ZNF638: variants seen among roughly 807,000 people sequenced by gnomAD.
ZNF638 encodes zinc finger protein 638.
ZNF638 carries 46 observed loss-of-function variants against 195.6 expected under a neutral mutation model. The ratio of observed to expected loss-of-function variants is 0.24; its 90% confidence interval spans 0.19 to 0.30. ZNF638 has a LOEUF of 0.30. Ranked by LOEUF, ZNF638 falls within the 10% of genes least tolerant of loss-of-function variation. ZNF638 has a pLI of 1.00. For synonymous variants in ZNF638, 845 were observed against 772.0 expected (o/e 1.09, Z -1.57); for missense variants, 2,440 against 2,325.3 (o/e 1.05, Z -1.01).
rs766674576 is a variant in ZNF638, at chr2:71,350,151, T to C, written c.1197T>C (p.Ala399=). Residue 399 remains alanine, a synonymous_variant, in exon 2 of 28, where the codon GCT becomes GCC. Coordinates refer to ENST00000264447, the MANE Select transcript of ZNF638 (RefSeq NM_014497.5). The part of the protein sequence containing the change: ...KASWLPKFSH[A]DAQKMKRLPT... ...CCTGGCTACCAAAGTTTTCACATGC[T>C]GATGCCCAGAAGATGAAGAGACTTC... 3.1e-6 allele frequency: 5 copies of C among 1,613,738 alleles called. No homozygotes were observed. The African/African-American group carries it at 4.0e-5, about 13-fold the overall frequency.
rs767004234 is a variant in ZNF638 at position 71,434,832 on chromosome 2, A to G, written c.*25A>G. Reference sequence around the variant, plus strand: ...ATTGGGGGAAAGGAAAGAATTCACTAGAAATTTGTTTAGGGTCCAGTTGAT... The same window carrying G: ...ATTGGGGGAAAGGAAAGAATTCACTGGAAATTTGTTTAGGGTCCAGTTGAT... On this transcript the variant is annotated 3_prime_UTR_variant, in exon 28 of 28. Coordinates refer to ENST00000264447, the MANE Select transcript of ZNF638 (RefSeq NM_014497.5). The G allele has an allele frequency of 3.2e-6, 5 of 1,572,266 alleles. No individual in the cohort carries two copies. The highest frequency in any genetic ancestry group is 2.8e-5 in the African/African-American group (2 of 72,430).
chr2:71,389,377 G>A (rs1013037762), intron 10 of ZNF638, among the ~76,000 whole-genome samples: 2 of 152,172 alleles, frequency 1.3e-5, no homozygotes, highest in East Asian at 1.9e-4. Flanking sequence ...CAGAGCAAAC[G>A]GAGCTGCTAG....
In ZNF638 at chr2:71,331,837, G is replaced by C. The variant is rs1048799684; in HGVS notation, c.-241G>C. 1.1e-5 allele frequency: 11 copies of C among 986,128 alleles called. No individual in the cohort carries two copies. The Admixed American group carries it at 4.9e-4, about 44-fold the overall frequency. The allele number at this position is 986,128 out of a possible 1,614,324, so 61.1% of individuals were successfully genotyped here. On this transcript the variant is annotated 5_prime_UTR_variant, in exon 1 of 28. Transcript: ENST00000264447. ...GGAGGCTGAGTGCTAAACTGTGTGG[G>C]GCGCGGATGGGATCCAGCTGTTAGT...
chr2:71,377,599 G>C (rs1173010505), intron 8 of ZNF638, among the ~76,000 whole-genome samples: 1 of 152,202 alleles, frequency 6.6e-6, no homozygotes, highest in South Asian at 2.1e-4. Context: ...TTAAGCATCT[G>C]TTATGCCTCT....
At chr2:71,336,254 C>T (rs565421471) in intron 1 of ZNF638, among the ~76,000 whole-genome samples, 1 of 151,860 alleles carries the variant, frequency 6.6e-6, no homozygotes, top group South Asian at 2.1e-4. Context: ...TCTGTAATCC[C>T]AGCTACTCGG....
chr2:71,386,473 C>T (rs1394441849), intron 10 of ZNF638, among the ~76,000 whole-genome samples: 1 of 152,092 alleles, frequency 6.6e-6, no homozygotes, highest in Non-Finnish European at 1.5e-5. Context: ...GAATATGCAT[C>T]AACACCTCTT....
At chr2:71,374,260 C>T (rs1035647652) in intron 8 of ZNF638, among the ~76,000 whole-genome samples, 7 of 152,216 alleles carry the variant, frequency 4.6e-5, no homozygotes, top group South Asian at 2.1e-4. Context: ...CAGTTAGCCT[C>T]AACACTATTT....
chr2:71,335,129 T>C (rs1482760256), intron 1 of ZNF638, among the ~76,000 whole-genome samples: 1 of 152,152 alleles, frequency 6.6e-6, no homozygotes, highest in African/African-American at 2.4e-5. Flanking sequence ...CTCTACCTCC[T>C]GGGTGCAAGC....
chr2:71,360,359 C>T (rs2079088196), intron 3 of ZNF638, among the ~76,000 whole-genome samples: 1 of 152,132 alleles, frequency 6.6e-6, no homozygotes, highest in Admixed American at 6.5e-5. Flanking sequence ...TCTGCATAAC[C>T]ACAATACAAC....
At chr2:71,405,277 T>A (rs1446754599) in intron 17 of ZNF638, among the ~76,000 whole-genome samples, 2 of 152,226 alleles carry the variant, frequency 1.3e-5, no homozygotes, top group Non-Finnish European at 2.9e-5. Context: ...TTAACTTTTC[T>A]TTTGTAATTT....
chr2:71,356,886 G>C (rs1404745683), intron 3 of ZNF638, among the ~76,000 whole-genome samples: 2 of 152,028 alleles, frequency 1.3e-5, no homozygotes, highest in Non-Finnish European at 2.9e-5. Flanking sequence ...AGGAGCAGCT[G>C]TATTGGATGC....
In ZNF638 at chr2:71,408,058, A is replaced by G; in HGVS notation, c.3136-64A>G. ...TACTAAAAAGTGGAATTGTTGGATT[A>G]TGTGGTTATTCTAATTCCAATTTTT... On this transcript the variant is annotated intron_variant, in intron 19 of 27. Coordinates refer to ENST00000264447, the MANE Select transcript of ZNF638 (RefSeq NM_014497.5). 9 of 1,478,916 alleles carry G rather than the reference A, an allele frequency of 6.1e-6. 1 individual carries two copies. The highest frequency in any genetic ancestry group is 8.3e-6 in the Non-Finnish European group (9 of 1,084,314). 91.6% of individuals were successfully genotyped at this position (1,478,916 alleles called of 1,614,324 possible). A position where few individuals can be genotyped will look rare whatever the true frequency, so the allele number is the denominator to read the frequency against.
Position 71,402,081 on chromosome 2 carries a change from T to C in ZNF638, c.2823T>C (p.His941=), listed in dbSNP as rs1380288246. The C allele has an allele frequency of 6.2e-7, 1 of 1,604,768 alleles. No homozygotes were observed. The highest frequency in any genetic ancestry group is 1.1e-5 in the South Asian group (1 of 89,424). Residue 941 remains histidine (H), a synonymous_variant, in exon 16 of 28, where the codon CAT becomes CAC. Coordinates refer to ENST00000264447, the MANE Select transcript of ZNF638 (RefSeq NM_014497.5). ...AGGATATCTTGATTTTATCATCTCA[T>C]AAAAAGGTAAGAGTTGATTAATAGC... ...GLKDILILSS[H]KKAYIEINRK...
At position 71,400,979 on chromosome 2, in the gene ZNF638, TTATATC is replaced by T. The variant is rs555358207; in HGVS notation, c.2697+465_2697+470del. Among the ~76,000 whole-genome samples, 364 of 152,280 alleles carry T rather than the reference TTATATC, an allele frequency of 2.4e-3. 1 individual carries two copies. The highest frequency in any genetic ancestry group is 8.4e-3 in the African/African-American group (351 of 41,560). ...CACTTAATATATTGTTTTCTTATGT[TTATATC>T]TATTATTATTAATACATTACAATCA... On this transcript the variant is annotated intron_variant, in intron 15 of 27. Coordinates refer to ENST00000264447, the MANE Select transcript of ZNF638 (RefSeq NM_014497.5).
chr2:71,428,244 A>G (rs960966970), intron 24 of ZNF638, among the ~76,000 whole-genome samples: 18 of 152,204 alleles, frequency 1.2e-4, no homozygotes, highest in Non-Finnish European at 7.3e-5. Context: ...AGAATAAAAT[A>G]CTAGGAAGGT....
chr2:71,433,349 TC>T, intron 27 of ZNF638, 66 bp downstream of exon 27: 1 of 1,145,998 alleles, frequency 8.7e-7, no homozygotes. Flanking sequence ...ATTATTTATC[TC>T]CCCAAACGTA....
At chr2:71,366,896 A>G (rs1464138981) in intron 6 of ZNF638, among the ~76,000 whole-genome samples, 1 of 152,204 alleles carries the variant, frequency 6.6e-6, no homozygotes, top group East Asian at 1.9e-4. Context: ...ATATATTAAA[A>G]CATCAAGAGA....
rs2079829623 is a variant in ZNF638, at chr2:71,393,490, C to G, written c.2378-2651C>G. On this transcript the variant is annotated intron_variant, in intron 10 of 27. Coordinates refer to ENST00000264447, the MANE Select transcript of ZNF638 (RefSeq NM_014497.5). ...AGTGAAGGAAATGATCCTGCAGGAC[C>G]CGCAGCTCCAGACAACACAGCTTCC... is the stretch of plus-strand genomic sequence containing the variant. 4.2e-6 allele frequency: 3 copies of G among 717,964 alleles called. No individual in the cohort carries two copies. In the East Asian group the frequency reaches 8.0e-5, roughly 19 times the overall value. The allele number at this position is 717,964 out of a possible 1,614,324, so 44.5% of individuals were successfully genotyped here.
At chr2:71,361,396 C>T (rs939768247) in intron 3 of ZNF638, among the ~76,000 whole-genome samples, 3 of 152,234 alleles carry the variant, frequency 2.0e-5, no homozygotes, top group African/African-American at 7.2e-5. Flanking sequence ...CTTACACATT[C>T]TAAGTAACTG....
Sources: allele counts gnomAD v4.1 joint callset (sites outside exome capture counted in the v4.1 genomes callset), GRCh38; gene constraint gnomAD v4.1.1; transcripts MANE v1.5; gene names NCBI Gene and HGNC (gene_info 2026-07-23, HGNC 2026-07-21).